Variants in COLEC12 observed in about 807,000 individuals in gnomAD.
COLEC12 encodes collectin-12.
COLEC12 carries 33 observed loss-of-function variants against 71.1 expected under a neutral mutation model. The observed-to-expected ratio is 0.46, with a 90% CI of 0.35 to 0.62. The LOEUF (loss-of-function observed/expected upper bound fraction) is 0.62, where lower values mean the gene tolerates loss of function less well. Ranked by LOEUF, COLEC12 falls within the 20% of genes least tolerant of loss-of-function variation. The pLI, the probability that COLEC12 is intolerant of heterozygous loss-of-function variation, is 0.00. For synonymous variants in COLEC12, 350 were observed against 353.0 expected (o/e 0.99, Z 0.10); for missense variants, 765 against 916.1 (o/e 0.84, Z 2.13).
intron 1 of COLEC12, among the ~76,000 whole-genome samples, chr18:483,376 C>T (rs372128551): frequency 6.2e-5 from 9 of 144,118 alleles, no homozygotes; most frequent in African/African-American, 2.1e-4. Context: ...CCAGCCTGAG[C>T]GACAGAGTGT....
At chr18:469,182 G>A (rs762282467) in intron 2 of COLEC12, among the ~76,000 whole-genome samples, 9 of 152,208 alleles carry the variant, frequency 5.9e-5, no homozygotes, top group South Asian at 2.1e-4. Context: ...GCAGAGGGGC[G>A]TTCCCGACCT....
At chr18:493,485 C>T (rs1917654744) in intron 1 of COLEC12, among the ~76,000 whole-genome samples, 2 of 152,180 alleles carry the variant, frequency 1.3e-5, no homozygotes, top group Non-Finnish European at 2.9e-5. Context: ...TCAAATCTCT[C>T]CTGCAAATGA....
At chr18:398,175 C>T (rs1357379078) in intron 2 of COLEC12, among the ~76,000 whole-genome samples, 2 of 152,228 alleles carry the variant, frequency 1.3e-5, no homozygotes, top group African/African-American at 2.4e-5. Flanking sequence ...TATGTTGTGT[C>T]TCTTCCCATT....
chr18:485,891 G>T (rs546303966), intron 1 of COLEC12, among the ~76,000 whole-genome samples: 6 of 152,108 alleles, frequency 3.9e-5, no homozygotes, highest in African/African-American at 1.4e-4. Context: ...GTTCTGGTTC[G>T]GACTCCTCCA....
intron 2 of COLEC12, among the ~76,000 whole-genome samples, chr18:440,713 A>G (rs1164814730): frequency 2.0e-5 from 3 of 152,186 alleles, no homozygotes; most frequent in Admixed American, 6.5e-5. Context: ...GCCAACTGCA[A>G]TTAGGAAATA....
In COLEC12 at chr18:401,236, T is replaced by G. The variant is rs578107905; in HGVS notation, c.59-43714A>C. Among the ~76,000 whole-genome samples, 3 of 152,342 alleles carry G rather than the reference T, an allele frequency of 2.0e-5. No individual in the cohort carries two copies. In the South Asian group the frequency reaches 6.2e-4, roughly 32 times the overall value. ...CTGCATTCGGAGGCTTGTACAACCTTCTTAGTATTTAGGAATATAAAATCA... is the reference window on the plus strand; with the variant it reads ...CTGCATTCGGAGGCTTGTACAACCTGCTTAGTATTTAGGAATATAAAATCA... On this transcript the variant is annotated intron_variant, in intron 2 of 9. Coordinates refer to ENST00000400256, the MANE Select transcript of COLEC12 (RefSeq NM_130386.3).
intron 1 of COLEC12, among the ~76,000 whole-genome samples, chr18:495,849 C>T (rs200193045): frequency 5.3e-5 from 8 of 152,274 alleles, no homozygotes; most frequent in African/African-American, 1.7e-4. Flanking sequence ...TGATCCCCCC[C>T]GCCACCAACT....
At chr18:339,470 C>G (rs905206960) in intron 5 of COLEC12, among the ~76,000 whole-genome samples, 1 of 152,128 alleles carries the variant, frequency 6.6e-6, no homozygotes, top group Admixed American at 6.5e-5. Context: ...GAGTAAATAT[C>G]GGGGGGAAAT....
chr18:432,033 G>A (rs895237063), intron 2 of COLEC12, among the ~76,000 whole-genome samples: 1 of 152,086 alleles, frequency 6.6e-6, no homozygotes, highest in African/African-American at 2.4e-5. Flanking sequence ...ACCCAAGAAG[G>A]CTTGAATAGA....
At chr18:491,912 T>C (rs1352677817) in intron 1 of COLEC12, among the ~76,000 whole-genome samples, 1 of 152,222 alleles carries the variant, frequency 6.6e-6, no homozygotes, top group Non-Finnish European at 1.5e-5. Flanking sequence ...GCTCCCCGCA[T>C]GGTTTCCTTT....
chr18:398,028 G>A (rs1387584410), intron 2 of COLEC12, among the ~76,000 whole-genome samples: 3 of 151,100 alleles, frequency 2.0e-5, no homozygotes. Context: ...CAGGTCCATG[G>A]CCCAGGTCTA....
At position 362,934 on chromosome 18, in the gene COLEC12, G is replaced by T. The variant is rs970109553; in HGVS notation, c.59-5412C>A. 6.6e-6 allele frequency among the ~76,000 whole-genome samples: 1 copy of T among 152,120 alleles called. No individual in the cohort carries two copies. Among genetic ancestry groups the T allele is most frequent in the Non-Finnish European group, 1.5e-5 (1 of 68,022 alleles). ...TGGTTAACTCCTTGAGTATTCCATG[G>T]AAGTTCAGAATAGGCTGACAATTTG... On this transcript the variant is annotated intron_variant, in intron 2 of 9. Coordinates refer to ENST00000400256, the MANE Select transcript of COLEC12 (RefSeq NM_130386.3). This position sits in a 1 kb window ranked among gnomAD's most constrained non-coding sequence, Gnocchi z 4.6.
At chr18:402,597 A>G (rs147919468) in intron 2 of COLEC12, among the ~76,000 whole-genome samples, 2 of 152,288 alleles carry the variant, frequency 1.3e-5, no homozygotes, top group East Asian at 1.9e-4. Context: ...TGGGAAATCT[A>G]GCAGAGATCT....
At chr18:407,169 C>A (rs1428184097) in intron 2 of COLEC12, among the ~76,000 whole-genome samples, 1 of 152,174 alleles carries the variant, frequency 6.6e-6, no homozygotes, top group African/African-American at 2.4e-5. Flanking sequence ...TCCATCTAAA[C>A]CCCATTTTAA....
At chr18:430,109 AG>A (rs1916273448) in intron 2 of COLEC12, among the ~76,000 whole-genome samples, 1 of 152,054 alleles carries the variant, frequency 6.6e-6, no homozygotes, top group Non-Finnish European at 1.5e-5. Flanking sequence ...GCACTTTGAG[AG>A]GCAGATAGCT....
chr18:445,535 T>C (rs1246495567), intron 2 of COLEC12, among the ~76,000 whole-genome samples: 2 of 152,086 alleles, frequency 1.3e-5, no homozygotes, highest in African/African-American at 4.8e-5. Flanking sequence ...CAAAGACTTG[T>C]ATACCCAACA....
chr18:460,472 G>A (rs1387151190), intron 2 of COLEC12, among the ~76,000 whole-genome samples: 5 of 152,126 alleles, frequency 3.3e-5, no homozygotes, highest in Non-Finnish European at 7.4e-5. Context: ...TGAGTATGCT[G>A]CCAAAATACA....
chr18:458,974 A>T (rs1168665165), intron 2 of COLEC12, among the ~76,000 whole-genome samples: 2 of 152,184 alleles, frequency 1.3e-5, no homozygotes, highest in Non-Finnish European at 2.9e-5. Flanking sequence ...AGCTGGGACC[A>T]CGGACATGCT....
At chr18:394,168 T>A (rs1323188894) in intron 2 of COLEC12, among the ~76,000 whole-genome samples, 1 of 152,174 alleles carries the variant, frequency 6.6e-6, no homozygotes, top group Non-Finnish European at 1.5e-5. Context: ...AGAAAAGCAA[T>A]TGAGTAAAGT....
Sources: gnomAD v4.1 joint callset for allele counts (sites outside exome capture counted in the v4.1 genomes callset) on GRCh38, gnomAD v4.1.1 for gene constraint, Gnocchi (gnomAD v3.1) non-coding constraint, MANE v1.5 for transcripts, NCBI Gene and HGNC (gene_info 2026-07-23, HGNC 2026-07-21) for gene names.